Variants in HAPSTR1 observed in about 807,000 individuals in gnomAD.
HAPSTR1 encodes HUWE1 associated protein modifying stress responses.
At chr16:9,092,358 G>A in the HAPSTR1 span, 5 of 1,154,544 alleles carry the variant, frequency 4.3e-6, no homozygotes, top group South Asian at 2.1e-4. Context: ...CCGCTTCGGG[G>A]GGCCGCGACG....
At chr16:9,111,450 A>G in the HAPSTR1 span, 1 of 152,262 alleles carries the variant, frequency 6.6e-6, no homozygotes, top group Non-Finnish European at 1.5e-5. Flanking sequence ...GCCCCTGAAA[A>G]GAACAATTAA....
At chr16:9,092,739 C>T in the HAPSTR1 span, among the ~76,000 whole-genome samples, 1 of 152,162 alleles carries the variant, frequency 6.6e-6, no homozygotes, top group Non-Finnish European at 1.5e-5. Flanking sequence ...CCGCGACCTC[C>T]CTGCCCCCCC....
chr16:9,111,158 T>C, the HAPSTR1 span: 34 of 152,366 alleles, frequency 2.2e-4, 1 homozygote, highest in East Asian at 6.6e-3. Flanking sequence ...CAGAATCCTT[T>C]CTTCTCTGTG....
At chr16:9,091,822 G>A in the HAPSTR1 span, 1 of 393,166 alleles carries the variant, frequency 2.5e-6, no homozygotes, top group Non-Finnish European at 4.5e-6. Context: ...GGCCGGGCCC[G>A]GGGGTGGGAA....
the HAPSTR1 span, among the ~76,000 whole-genome samples, chr16:9,114,542 A>G: frequency 3.9e-5 from 6 of 152,170 alleles, no homozygotes; most frequent in African/African-American, 1.4e-4. Flanking sequence ...TGCAGGCCTC[A>G]CTATTTCAGA....
chr16:9,103,864 T>A, the HAPSTR1 span: 4 of 152,542 alleles, frequency 2.6e-5, no homozygotes, highest in African/African-American at 9.7e-5. Context: ...GAAGGCACTC[T>A]TGGCTAAGGG....
chr16:9,118,504 C>A, the HAPSTR1 span: 3,070 of 152,684 alleles, frequency 0.02, 50 homozygotes, highest in Non-Finnish European at 0.028. Flanking sequence ...GTTCTGTATT[C>A]ATTATAGATG....
At chr16:9,098,147 A>G in the HAPSTR1 span, among the ~76,000 whole-genome samples, 38 of 152,308 alleles carry the variant, frequency 2.5e-4, no homozygotes, top group African/African-American at 8.2e-4. Flanking sequence ...CCTGACCAAC[A>G]TGGAGAGAAA....
chr16:9,121,577 C>G, the HAPSTR1 span: 1 of 81,232 alleles, frequency 1.2e-5, no homozygotes, highest in East Asian at 2.5e-4. Flanking sequence ...CCTCTCTGGG[C>G]TGTTTTCTCA....
chr16:9,092,810 G>A, the HAPSTR1 span: 2 of 1,147,652 alleles, frequency 1.7e-6, no homozygotes, highest in Non-Finnish European at 2.5e-6. Context: ...ACCTAATATG[G>A]CCGTTCCGGA....
chr16:9,119,056 A>G, the HAPSTR1 span: 5 of 152,674 alleles, frequency 3.3e-5, no homozygotes, highest in African/African-American at 1.2e-4. Context: ...TATTGGCTTC[A>G]TTAAACTTTT....
chr16:9,103,697 C>T, the HAPSTR1 span: 3 of 162,450 alleles, frequency 1.8e-5, no homozygotes, highest in South Asian at 3.1e-4. Context: ...TGACACCTTT[C>T]TTACTTGGTT....
the HAPSTR1 span, chr16:9,116,697 G>A: frequency 3.5e-5 from 57 of 1,614,006 alleles, 1 homozygote; most frequent in South Asian, 5.1e-4. Context: ...TAGTATAAGC[G>A]TGCGTTCGAG....
the HAPSTR1 span, chr16:9,104,674 T>G: frequency 2.0e-5 from 3 of 152,180 alleles, no homozygotes; most frequent in Non-Finnish European, 4.4e-5. Context: ...GTGGATGCAG[T>G]ACTTTAAGAC....
the HAPSTR1 span, chr16:9,116,913 A>G: frequency 6.2e-7 from 1 of 1,613,016 alleles, no homozygotes; most frequent in Non-Finnish European, 8.5e-7. Context: ...AATGATCTAA[A>G]CTGCAAACAT....
chr16:9,116,411 C>T, the HAPSTR1 span, among the ~76,000 whole-genome samples: 1 of 152,116 alleles, frequency 6.6e-6, no homozygotes, highest in Non-Finnish European at 1.5e-5. Context: ...GTACACCTAG[C>T]ACGGTGGTTG....
the HAPSTR1 span, chr16:9,102,898 G>C: frequency 7.1e-7 from 1 of 1,414,624 alleles, no homozygotes; most frequent in Non-Finnish European, 9.6e-7. Context: ...ATTCACTTTG[G>C]TTAAATTGTA....
the HAPSTR1 span, chr16:9,103,087 T>C: frequency 1.2e-6 from 2 of 1,614,080 alleles, no homozygotes; most frequent in Non-Finnish European, 1.7e-6. Flanking sequence ...GCAGAAGAAC[T>C]ATTCGTCGAG....
chr16:9,099,913 C>G, the HAPSTR1 span, among the ~76,000 whole-genome samples: 3 of 152,168 alleles, frequency 2.0e-5, no homozygotes, highest in Non-Finnish European at 4.4e-5. Context: ...AAAAAGGACT[C>G]TATTTTAAAT....
Sources: gnomAD v4.1 joint callset for allele counts (sites outside exome capture counted in the v4.1 genomes callset) on GRCh38, gnomAD v4.1.1 for gene constraint, MANE v1.5 for transcripts, NCBI Gene and HGNC (gene_info 2026-07-23, HGNC 2026-07-21) for gene names.